Variants in WBP1L observed in about 807,000 individuals in gnomAD.
WBP1L encodes the protein WW domain binding protein 1 like.
A neutral mutation model predicts 33.7 loss-of-function variants in WBP1L; 17 were observed. That is an observed-to-expected ratio of 0.50 (90% CI 0.34 to 0.76). The LOEUF is 0.76. Ranked by LOEUF, WBP1L falls within the 30% of genes least tolerant of loss-of-function variation. The pLI, the probability that WBP1L is intolerant of heterozygous loss-of-function variation, is 0.01. For missense variants in WBP1L, 389 were observed against 469.4 expected (o/e 0.83, Z 1.58); for synonymous variants, 173 against 190.8 (o/e 0.91, Z 0.77).
In WBP1L at chr10:102,812,912, G is replaced by A; in HGVS notation, c.673G>A (p.Gly225Arg). Residue 225 changes from glycine to arginine, a missense_variant, in exon 4 of 4, where the codon GGG becomes AGG. Transcript: ENST00000448841. The part of the protein sequence containing the change: ...MEPSGSVAGL[G>R]ELDPGAFLDK... ...GCCCAGTGGCTCTGTGGCTGGCCTG[G>A]GGGAGCTGGACCCGGGGGCCTTCCT... 2.5e-6 allele frequency: 4 copies of A among 1,584,190 alleles called. No homozygotes were observed. Among genetic ancestry groups the A allele is most frequent in the Non-Finnish European group, 3.4e-6 (4 of 1,162,742 alleles).
Position 102,813,092 on chromosome 10 carries a change from G to A in WBP1L, c.853G>A (p.Asp285Asn), listed in dbSNP as rs1431379752. ...TGTGTGCAACCGGGGCCACCATGACGATGACCTCAAAGAGTTCAACACACT... is the reference window on the plus strand; with the variant it reads ...TGTGTGCAACCGGGGCCACCATGACAATGACCTCAAAGAGTTCAACACACT... ...VCVCNRGHHDDDLKEFNTLID... is the reference protein window; with the variant it reads ...VCVCNRGHHDNDLKEFNTLID... The change falls in exon 4 of 4, where the codon GAT becomes AAT. Residue 285 changes from aspartate (D) to asparagine (N), a missense_variant. Transcript: ENST00000448841. 1.9e-6 allele frequency: 3 copies of A among 1,613,812 alleles called. No individual in the cohort carries two copies. Among genetic ancestry groups the A allele is most frequent in the South Asian group, 1.1e-5 (1 of 91,090 alleles).
intron 3 of WBP1L, among the ~76,000 whole-genome samples, chr10:102,811,206 G>A (rs1429475702): frequency 1.3e-5 from 2 of 152,106 alleles, no homozygotes; most frequent in African/African-American, 4.8e-5. Context: ...GAGGTCAGGA[G>A]TCAGTTATAA....
intron 1 of WBP1L, among the ~76,000 whole-genome samples, chr10:102,753,091 G>T (rs893469901): frequency 6.6e-6 from 1 of 152,174 alleles, no homozygotes; most frequent in Non-Finnish European, 1.5e-5. Flanking sequence ...GCTTGGGTTG[G>T]TTCCTTGCTC....
chr10:102,777,843 G>A (rs1237106434), intron 1 of WBP1L, among the ~76,000 whole-genome samples: 1 of 152,172 alleles, frequency 6.6e-6, no homozygotes, highest in Non-Finnish European at 1.5e-5. Flanking sequence ...AGGATTACAG[G>A]CGTGAGCCAC....
At chr10:102,746,609 T>G (rs1842866383) in intron 1 of WBP1L, among the ~76,000 whole-genome samples, 2 of 149,046 alleles carry the variant, frequency 1.3e-5, no homozygotes, top group South Asian at 2.2e-4. Context: ...TGGGTTTTTT[T>G]GGGGGGGGTG....
chr10:102,773,859 CAAAA>C (rs1384093403), intron 1 of WBP1L, among the ~76,000 whole-genome samples: 1 of 109,754 alleles, frequency 9.1e-6, no homozygotes, highest in Non-Finnish European at 1.8e-5. Context: ...CTTAAAAAAA[CAAAA>C]CAAAAAAAAA....
chr10:102,775,236 G>A (rs1843243991), intron 1 of WBP1L, among the ~76,000 whole-genome samples: 1 of 151,918 alleles, frequency 6.6e-6, no homozygotes, highest in African/African-American at 2.4e-5. Flanking sequence ...TGCTGTGCAA[G>A]TGTTGTCTTT....
chr10:102,804,387 CAAAAA>C (rs10710280), intron 2 of WBP1L, among the ~76,000 whole-genome samples: 1 of 74,570 alleles, frequency 1.3e-5, no homozygotes, highest in Non-Finnish European at 2.5e-5. Context: ...GACCCTGTCT[CAAAAA>C]AAAAAAAAAA....
intron 1 of WBP1L, among the ~76,000 whole-genome samples, chr10:102,773,644 T>G (rs1843219266): frequency 6.6e-6 from 1 of 152,122 alleles, no homozygotes; most frequent in Admixed American, 6.6e-5. Context: ...TCTTAACACT[T>G]TGAAAGGCTG....
chr10:102,748,917 G>A (rs1267388407), intron 1 of WBP1L, among the ~76,000 whole-genome samples: 5 of 152,212 alleles, frequency 3.3e-5, no homozygotes, highest in African/African-American at 9.6e-5. Flanking sequence ...ACCAGGAAGG[G>A]GAAAAATGGA....
intron 1 of WBP1L, among the ~76,000 whole-genome samples, chr10:102,790,351 C>T (rs1262175535): frequency 6.6e-6 from 1 of 151,866 alleles, no homozygotes; most frequent in Non-Finnish European, 1.5e-5. Flanking sequence ...TTAATTCTTT[C>T]TTTTTGGCTT....
Position 102,813,391 on chromosome 10 carries a change from A to T in WBP1L, c.*60A>T. On this transcript the variant is annotated 3_prime_UTR_variant, in exon 4 of 4. Transcript: ENST00000448841. ...GCAACCAGGGTAGGGGAGAACCACG[A>T]GAGAAGCATTAAGTGACTTTCAAAG... 1 of 1,527,924 alleles carries T rather than the reference A, an allele frequency of 6.5e-7. No homozygotes were observed. The highest frequency in any genetic ancestry group is 8.8e-7 in the Non-Finnish European group (1 of 1,141,036). The allele number at this position is 1,527,924 out of a possible 1,614,324, so 94.6% of individuals were successfully genotyped here.
At chr10:102,781,213 T>G (rs1190367644) in intron 1 of WBP1L, among the ~76,000 whole-genome samples, 2 of 151,932 alleles carry the variant, frequency 1.3e-5, no homozygotes, top group African/African-American at 2.4e-5. Flanking sequence ...AGGAGAGCAG[T>G]GGAAAGGCTG....
At chr10:102,761,716 T>G (rs1282953090) in intron 1 of WBP1L, among the ~76,000 whole-genome samples, 3 of 151,462 alleles carry the variant, frequency 2.0e-5, no homozygotes, top group Admixed American at 2.0e-4. Flanking sequence ...TCGGCCTAAT[T>G]TTTTGTATTT....
intron 1 of WBP1L, among the ~76,000 whole-genome samples, chr10:102,792,646 G>T (rs796900283): frequency 7.3e-6 from 1 of 137,882 alleles, no homozygotes; most frequent in Non-Finnish European, 1.5e-5. Context: ...CCAGGCTGGC[G>T]TGCAATGGTG....
chr10:102,786,788 T>C (rs1843421678), intron 1 of WBP1L, among the ~76,000 whole-genome samples: 1 of 152,186 alleles, frequency 6.6e-6, no homozygotes, highest in Admixed American at 6.5e-5. Flanking sequence ...GACTCCCCTT[T>C]GGGGACCATG....
chr10:102,814,295 C>T lies in WBP1L; in HGVS notation c.*964C>T, dbSNP rs962091838. 1 of 152,550 alleles carries T rather than the reference C, an allele frequency of 6.6e-6. No homozygotes were observed. Among genetic ancestry groups the T allele is most frequent in the East Asian group, 1.9e-4 (1 of 5,184 alleles). The allele number at this position is 152,550 out of a possible 1,614,324, so 9.4% of individuals were successfully genotyped here. Reference sequence around the variant, plus strand: ...AGAGGTGCAGCTCTCTGCCTCTCTGCCCTTTGGTCTGTGTTCACAGGTGAC... The same window carrying T: ...AGAGGTGCAGCTCTCTGCCTCTCTGTCCTTTGGTCTGTGTTCACAGGTGAC... On this transcript the variant is annotated 3_prime_UTR_variant, in exon 4 of 4. Transcript: ENST00000448841.
chr10:102,745,552 A>G (rs1409830955), intron 1 of WBP1L, among the ~76,000 whole-genome samples: 1 of 152,204 alleles, frequency 6.6e-6, no homozygotes, highest in Non-Finnish European at 1.5e-5. Flanking sequence ...ACGGGATCCT[A>G]CAATATGTGG....
chr10:102,789,887 C>T (rs993840328), intron 1 of WBP1L, among the ~76,000 whole-genome samples: 4 of 151,688 alleles, frequency 2.6e-5, no homozygotes, highest in African/African-American at 4.8e-5. Flanking sequence ...GGACTACAGG[C>T]GCCCGCCACC....
Sources: allele counts gnomAD v4.1 joint callset (sites outside exome capture counted in the v4.1 genomes callset), GRCh38; gene constraint gnomAD v4.1.1; transcripts MANE v1.5; gene names NCBI Gene and HGNC (gene_info 2026-07-23, HGNC 2026-07-21).